Variants in ARID1B observed in about 807,000 individuals in gnomAD.
ARID1B encodes the protein AT-rich interaction domain 1B.
In ARID1B, 30 loss-of-function variants were observed where a neutral mutation model predicts 212.3. The ratio of observed to expected loss-of-function variants is 0.14; its 90% CI spans 0.11 to 0.19. The LOEUF is 0.19. Ranked by LOEUF, ARID1B falls within the 10% of genes least tolerant of loss-of-function variation. The pLI, the probability that ARID1B is intolerant of heterozygous loss-of-function variation, is 1.00. For missense variants in ARID1B, 2,891 were observed against 3,204.0 expected, an observed-to-expected ratio of 0.90 and a Z score of 2.36; for synonymous variants, 1,402 against 1,301.7, an observed-to-expected ratio of 1.08 and a Z score of -1.66.
At chr6:157,027,255 ACT>A (rs1780719594) in intron 4 of ARID1B, among the ~76,000 whole-genome samples, 1 of 152,100 alleles carries the variant, frequency 6.6e-6, no homozygotes. Context: ...AAAAGATAAA[ACT>A]CTGTGGTTAA....
At chr6:156,960,930 AAAAC>A (rs1038019628) in intron 4 of ARID1B, among the ~76,000 whole-genome samples, 56 of 152,360 alleles carry the variant, frequency 3.7e-4, no homozygotes, top group African/African-American at 1.3e-3. Context: ...GGTGCCATTT[AAAAC>A]AAACAAACAA....
chr6:157,130,971 A>G (rs932729992), intron 6 of ARID1B, among the ~76,000 whole-genome samples: 2 of 152,094 alleles, frequency 1.3e-5, no homozygotes, highest in Non-Finnish European at 2.9e-5. Context: ...ATCTATCTTG[A>G]TTTGGGGTCC....
chr6:157,020,678 A>G (rs1007117534), intron 4 of ARID1B, among the ~76,000 whole-genome samples: 5 of 152,180 alleles, frequency 3.3e-5, no homozygotes, highest in African/African-American at 9.7e-5. Context: ...GTTTCAAACT[A>G]TATGTAATTT....
At chr6:157,039,322 CTT>C (rs1003131791) in intron 4 of ARID1B, among the ~76,000 whole-genome samples, 11 of 102,942 alleles carry the variant, frequency 1.1e-4, no homozygotes, top group Admixed American at 2.1e-4. Flanking sequence ...TTTGACATTT[CTT>C]TTTTTTTTTT....
At chr6:157,185,395 C>T (rs550267566) in intron 13 of ARID1B, 1 of 152,390 alleles carries the variant, frequency 6.6e-6, no homozygotes, top group Non-Finnish European at 1.5e-5. Context: ...ACCCACCGCT[C>T]CTGTACACAG....
chr6:156,880,555 A>G (rs1455444409), intron 2 of ARID1B, among the ~76,000 whole-genome samples: 1 of 152,064 alleles, frequency 6.6e-6, no homozygotes, highest in Non-Finnish European at 1.5e-5. Flanking sequence ...CCTGGACAAC[A>G]TGGCGAAACC....
intron 5 of ARID1B, among the ~76,000 whole-genome samples, chr6:157,103,997 G>A (rs772239444): frequency 5.9e-5 from 9 of 151,674 alleles, no homozygotes; most frequent in East Asian, 1.9e-4. Context: ...CACCATGCCC[G>A]GCTAATTTTT....
intron 2 of ARID1B, among the ~76,000 whole-genome samples, chr6:156,884,679 A>T (rs1787365819): frequency 6.6e-6 from 1 of 152,228 alleles, no homozygotes. Context: ...TTATTAGGCT[A>T]CCACTAGTTT....
At chr6:156,922,463 T>A (rs1261084723) in intron 3 of ARID1B, among the ~76,000 whole-genome samples, 1 of 152,174 alleles carries the variant, frequency 6.6e-6, no homozygotes, top group African/African-American at 2.4e-5. Flanking sequence ...TGAGTCACCA[T>A]GCCTGGCCTA....
intron 8 of ARID1B, among the ~76,000 whole-genome samples, chr6:157,153,828 C>T (rs1407020290): frequency 1.3e-5 from 2 of 152,156 alleles, no homozygotes; most frequent in African/African-American, 4.8e-5. Flanking sequence ...TTTGTAGAGA[C>T]AGAGTCTCAC....
At chr6:156,828,264 GT>G (rs1782898754) in intron 1 of ARID1B, among the ~76,000 whole-genome samples, 1 of 152,032 alleles carries the variant, frequency 6.6e-6, no homozygotes, top group South Asian at 2.1e-4. Context: ...GTCTTGTGAT[GT>G]TGCCAGGATG....
intron 8 of ARID1B, chr6:157,164,726 A>G (rs1208649314): frequency 6.6e-6 from 1 of 152,170 alleles, no homozygotes; most frequent in East Asian, 1.9e-4. Flanking sequence ...TGCGTAAATT[A>G]TTTTAACATA....
intron 2 of ARID1B, among the ~76,000 whole-genome samples, chr6:156,888,234 C>A (rs1787667915): frequency 6.6e-6 from 1 of 152,168 alleles, no homozygotes; most frequent in African/African-American, 2.4e-5. Flanking sequence ...AAATAGAAAT[C>A]TCTGGCCAGA....
At chr6:156,796,777 A>T (rs1197659186) in intron 1 of ARID1B, among the ~76,000 whole-genome samples, 1 of 152,128 alleles carries the variant, frequency 6.6e-6, no homozygotes, top group Non-Finnish European at 1.5e-5. Context: ...GGCGCAGGCT[A>T]GTGTGTGGGG....
At chr6:156,863,065 A>G (rs1457315759) in intron 2 of ARID1B, among the ~76,000 whole-genome samples, 1 of 152,016 alleles carries the variant, frequency 6.6e-6, no homozygotes, top group Admixed American at 6.6e-5. Flanking sequence ...TTAAGTTGGG[A>G]AGTTTGACTT....
chr6:157,209,781 T>A lies in ARID1B; in HGVS notation c.*1890T>A, dbSNP rs1377990539. On this transcript the variant is annotated 3_prime_UTR_variant, in exon 20 of 20. Coordinates refer to ENST00000636930, the MANE Select transcript of ARID1B (RefSeq NM_001374828.1). ...TGATGATTTCTATTTCAGGGCATATTATGGTTCTCATATTCCTTCCTACCT... is the reference window on the plus strand; with the variant it reads ...TGATGATTTCTATTTCAGGGCATATAATGGTTCTCATATTCCTTCCTACCT... 4.3e-6 allele frequency: 1 copy of A among 233,160 alleles called. No homozygotes were observed. Among genetic ancestry groups the A allele is most frequent in the Non-Finnish European group, 8.5e-6 (1 of 118,052 alleles). 14.4% of individuals were successfully genotyped at this position (233,160 alleles called of 1,614,324 possible). A position where few individuals can be genotyped will look rare whatever the true frequency, so the allele number is the denominator to read the frequency against.
intron 1 of ARID1B, among the ~76,000 whole-genome samples, chr6:156,786,220 A>G (rs1469705766): frequency 6.6e-6 from 1 of 151,806 alleles, no homozygotes; most frequent in African/African-American, 2.4e-5. Flanking sequence ...TCTGTGTTTG[A>G]AGTTTCTGGG....
Position 157,209,610 on chromosome 6 carries a change from T to C in ARID1B, c.*1719T>C, listed in dbSNP as rs997639511. ...CTGCCTTTTACTAACTCCATCTTAG[T>C]TTAATCAAAGTTCAATCTATTCCTT... On this transcript the variant is annotated 3_prime_UTR_variant, in exon 20 of 20. Coordinates refer to ENST00000636930, the MANE Select transcript of ARID1B (RefSeq NM_001374828.1). The C allele has an allele frequency of 1.3e-5, 3 of 233,084 alleles. No homozygotes were observed. In the Admixed American group the frequency reaches 1.7e-4, roughly 13 times the overall value. 14.4% of individuals were successfully genotyped at this position (233,084 alleles called of 1,614,324 possible).
intron 4 of ARID1B, among the ~76,000 whole-genome samples, chr6:156,982,801 T>C (rs1397043579): frequency 2.0e-5 from 3 of 152,224 alleles, no homozygotes; most frequent in African/African-American, 7.2e-5. Context: ...CAGCATGTTA[T>C]TATTTTTTAC....
Sources: gnomAD v4.1 joint callset for allele counts (sites outside exome capture counted in the v4.1 genomes callset) on GRCh38, gnomAD v4.1.1 for gene constraint, MANE v1.5 for transcripts, NCBI Gene and HGNC (gene_info 2026-07-23, HGNC 2026-07-21) for gene names.